SPIDR: variants seen among roughly 807,000 people sequenced by gnomAD.
The protein encoded by SPIDR is DNA repair-scaffolding protein.
A neutral mutation model predicts 104.6 loss-of-function variants in SPIDR; 93 were observed. The ratio of observed to expected loss-of-function variants is 0.89; its 90% confidence interval spans 0.75 to 1.06. SPIDR has a LOEUF of 1.06. Ranked by LOEUF, SPIDR falls within the 50% of genes least tolerant of loss-of-function variation. SPIDR has a pLI of 0.00. For synonymous variants in SPIDR, 431 were observed against 416.9 expected, an observed-to-expected ratio of 1.03 and a Z score of -0.41; for missense variants, 1,154 against 1,111.2, an observed-to-expected ratio of 1.04 and a Z score of -0.55.
chr8:47,524,367 A>G (rs921021910), intron 8 of SPIDR, among the ~76,000 whole-genome samples: 2 of 152,214 alleles, frequency 1.3e-5, no homozygotes, highest in Non-Finnish European at 2.9e-5. Context: ...CCTCCCATGT[A>G]CATCCAGATT....
In SPIDR at chr8:47,349,251, C is replaced by A. The variant is rs1053101566; in HGVS notation, c.526-47125C>A. Reference sequence around the variant, plus strand: ...AGTTTGTTGGAGGTCCACTCCAGACCCTGTTTGCCTGGGGATCACCAGTGG... The same window carrying A: ...AGTTTGTTGGAGGTCCACTCCAGACACTGTTTGCCTGGGGATCACCAGTGG... On this transcript the variant is annotated intron_variant, in intron 5 of 19. Coordinates refer to ENST00000297423, the MANE Select transcript of SPIDR (RefSeq NM_001080394.4). Among the ~76,000 whole-genome samples the A allele has an allele frequency of 1.4e-4, 22 of 152,300 alleles. No individual in the cohort carries two copies. The South Asian group carries it at 1.7e-3, about 11-fold the overall frequency.
In SPIDR at chr8:47,544,688, G is replaced by A. The variant is rs142406138; in HGVS notation, c.1098-51123G>A. Among the ~76,000 whole-genome samples the A allele has an allele frequency of 2.9e-4, 44 of 152,264 alleles. No homozygotes were observed. In the East Asian group the frequency reaches 6.0e-3, roughly 21 times the overall value. On this transcript the variant is annotated intron_variant, in intron 8 of 19. Coordinates refer to ENST00000297423, the MANE Select transcript of SPIDR (RefSeq NM_001080394.4). ...TTCTGGGTGTTCTGTTCCGTTGATC[G>A]TTGTGTGTGTTTCTTTGTACCATCA...
At chr8:47,527,972 A>T (rs2085296142) in intron 8 of SPIDR, 1 of 152,130 alleles carries the variant, frequency 6.6e-6, no homozygotes, top group Non-Finnish European at 1.5e-5. Context: ...TGGATGGGGA[A>T]AATACTGGTT....
rs1317173777 is a variant in SPIDR, at chr8:47,608,084, AC to A, written c.1544+8892del. ...GAACTTTCTGCAACCTCAAAAAGAA[AC>A]CCCATACCAATTGACTGCCAATTCC... On this transcript the variant is annotated intron_variant, in intron 10 of 19. Coordinates refer to ENST00000297423, the MANE Select transcript of SPIDR (RefSeq NM_001080394.4). 2.0e-5 allele frequency among the ~76,000 whole-genome samples: 3 copies of A among 152,216 alleles called. No individual in the cohort carries two copies. The East Asian group carries it at 5.8e-4, about 29-fold the overall frequency.
chr8:47,288,768 G>C (rs1586391723), intron 3 of SPIDR, among the ~76,000 whole-genome samples: 2 of 152,248 alleles, frequency 1.3e-5, no homozygotes, highest in South Asian at 4.1e-4. Context: ...CTAGATGTTT[G>C]TGGCACAAAG....
chr8:47,454,243 A>G (rs961224829), intron 8 of SPIDR, among the ~76,000 whole-genome samples: 2 of 152,200 alleles, frequency 1.3e-5, no homozygotes, highest in Non-Finnish European at 2.9e-5. Context: ...TCCATCAATA[A>G]TATACTGGAT....
chr8:47,618,205 A>G (rs901814552), intron 10 of SPIDR, among the ~76,000 whole-genome samples: 2 of 152,040 alleles, frequency 1.3e-5, no homozygotes, highest in African/African-American at 4.8e-5. Flanking sequence ...TTTTTAAGTA[A>G]TATAATCTCA....
At chr8:47,382,715 A>T (rs951242670) in intron 5 of SPIDR, among the ~76,000 whole-genome samples, 9 of 152,174 alleles carry the variant, frequency 5.9e-5, no homozygotes, top group African/African-American at 2.2e-4. Context: ...CCCAGCCTGA[A>T]GTTTGTTATT....
intron 5 of SPIDR, among the ~76,000 whole-genome samples, chr8:47,357,421 G>A (rs781826262): frequency 7.9e-5 from 12 of 152,286 alleles, no homozygotes; most frequent in South Asian, 2.1e-4. Context: ...TGTATGTCTC[G>A]TGGTTACTTG....
chr8:47,659,925 C>T (rs183336442), intron 10 of SPIDR, among the ~76,000 whole-genome samples: 84 of 152,328 alleles, frequency 5.5e-4, no homozygotes, highest in Non-Finnish European at 8.7e-4. Context: ...GAACTGCTCC[C>T]ATAACTCACG....
At chr8:47,406,554 C>T (rs781857293) in intron 6 of SPIDR, among the ~76,000 whole-genome samples, 1 of 152,018 alleles carries the variant, frequency 6.6e-6, no homozygotes, top group African/African-American at 2.4e-5. Flanking sequence ...ATGTACTACA[C>T]GCAAGTATAT....
At position 47,471,009 on chromosome 8, in the gene SPIDR, C is replaced by T. The variant is rs1478195715; in HGVS notation, c.1097+30467C>T. Among the ~76,000 whole-genome samples the T allele has an allele frequency of 4.6e-5, 7 of 152,330 alleles. No individual in the cohort carries two copies. The East Asian group carries it at 1.2e-3, about 25-fold the overall frequency. On this transcript the variant is annotated intron_variant, in intron 8 of 19. Coordinates refer to ENST00000297423, the MANE Select transcript of SPIDR (RefSeq NM_001080394.4). Reference sequence around the variant, plus strand: ...TTGGCCTCCCAAAGTGCTGGGATTACAGGCTTGAGCCACCATGCCCGGCCG... The same window carrying T: ...TTGGCCTCCCAAAGTGCTGGGATTATAGGCTTGAGCCACCATGCCCGGCCG...
At position 47,515,113 on chromosome 8, in the gene SPIDR, T is replaced by C. The variant is rs2082917434; in HGVS notation, c.1097+74571T>C. 2.0e-5 allele frequency among the ~76,000 whole-genome samples: 3 copies of C among 152,202 alleles called. No individual in the cohort carries two copies. The South Asian group carries it at 6.2e-4, about 31-fold the overall frequency. On this transcript the variant is annotated intron_variant, in intron 8 of 19. Coordinates refer to ENST00000297423, the MANE Select transcript of SPIDR (RefSeq NM_001080394.4). ...AATGGGAGGCTGGGCCACACTGTGC[T>C]GTGGAGGCTTAACCTCCACATCTGA...
intron 8 of SPIDR, among the ~76,000 whole-genome samples, chr8:47,570,926 A>G (rs2058440513): frequency 6.6e-6 from 1 of 152,148 alleles, no homozygotes; most frequent in Admixed American, 6.5e-5. Context: ...CCCCGTCTCT[A>G]CTAAAAATAC....
intron 10 of SPIDR, among the ~76,000 whole-genome samples, chr8:47,658,319 G>A (rs1377979536): frequency 6.6e-6 from 1 of 151,806 alleles, no homozygotes; most frequent in Non-Finnish European, 1.5e-5. Flanking sequence ...TCGGGAGGCT[G>A]AGGTAGGAGA....
intron 8 of SPIDR, among the ~76,000 whole-genome samples, chr8:47,554,660 C>A (rs2091085999): frequency 6.6e-6 from 1 of 152,192 alleles, no homozygotes; most frequent in South Asian, 2.1e-4. Flanking sequence ...CACGGCTTCC[C>A]TTCCTAGGAA....
At chr8:47,277,698 G>C (rs1554555205) in intron 1 of SPIDR, among the ~76,000 whole-genome samples, 3 of 129,624 alleles carry the variant, frequency 2.3e-5, no homozygotes, top group Admixed American at 1.8e-4. Flanking sequence ...TTTTGAGACA[G>C]AGTCTCGCCT....
intron 10 of SPIDR, among the ~76,000 whole-genome samples, chr8:47,649,419 A>G (rs1436495073): frequency 6.6e-6 from 1 of 152,180 alleles, no homozygotes; most frequent in Non-Finnish European, 1.5e-5. Flanking sequence ...CCAAAATGTC[A>G]GGGTTATGAA....
intron 8 of SPIDR, among the ~76,000 whole-genome samples, chr8:47,449,511 T>G (rs868967301): frequency 8.5e-5 from 13 of 152,342 alleles, no homozygotes; most frequent in Middle Eastern, 3.4e-3. Flanking sequence ...TGAGATTCTT[T>G]GAAATAAATA....
Sources: gnomAD v4.1 joint callset for allele counts (sites outside exome capture counted in the v4.1 genomes callset) on GRCh38, gnomAD v4.1.1 for gene constraint, MANE v1.5 for transcripts, NCBI Gene and HGNC (gene_info 2026-07-23, HGNC 2026-07-21) for gene names.